Variants in NTM observed in about 807,000 individuals in gnomAD.
NTM encodes neurotrimin.
NTM carries 13 observed loss-of-function variants against 42.1 expected under a neutral mutation model. That is an observed-to-expected ratio of 0.31 (90% CI 0.20 to 0.49). NTM has a LOEUF of 0.49. NTM is among the 20% of genes least tolerant of loss of function. NTM has a pLI of 0.99. For missense variants in NTM, 373 were observed against 452.8 expected, an observed-to-expected ratio of 0.82 and a Z score of 1.60; for synonymous variants, 187 against 179.2, an observed-to-expected ratio of 1.04 and a Z score of -0.35.
chr11:132,196,208 C>T (rs1417384821), intron 3 of NTM, among the ~76,000 whole-genome samples: 2 of 152,046 alleles, frequency 1.3e-5, no homozygotes, highest in Non-Finnish European at 1.5e-5. Context: ...AGCTCATGAT[C>T]GCTAATTGTT....
intron 1 of NTM, among the ~76,000 whole-genome samples, chr11:131,783,305 C>G (rs947314098): frequency 2.2e-4 from 33 of 152,012 alleles, no homozygotes; most frequent in African/African-American, 8.0e-4. Flanking sequence ...CAAAACATTG[C>G]TGAGGAAATA....
At chr11:132,149,695 C>T (rs373516467) in intron 3 of NTM, among the ~76,000 whole-genome samples, 21 of 152,170 alleles carry the variant, frequency 1.4e-4, no homozygotes, top group East Asian at 3.9e-4. Context: ...GAGGCCAAGG[C>T]GACCACATGG....
intron 1 of NTM, among the ~76,000 whole-genome samples, chr11:131,469,090 T>C (rs1952171239): frequency 6.6e-6 from 1 of 152,222 alleles, no homozygotes; most frequent in Non-Finnish European, 1.5e-5. Flanking sequence ...TGGCTGCTGC[T>C]CTCTGTTGCA....
Position 131,947,348 on chromosome 11 carries a change from A to G in NTM, c.167+35700A>G, listed in dbSNP as rs182681706. ...TATCCTCTGCATTATGTGTGAGATA[A>G]CTTCTGGACCGCTTCAGGAACCCTC... On this transcript the variant is annotated intron_variant, in intron 2 of 8. Transcript: ENST00000683400. Among the ~76,000 whole-genome samples the G allele has an allele frequency of 2.2e-3, 332 of 151,968 alleles. 2 individuals carry two copies. Among genetic ancestry groups the G allele is most frequent in the South Asian group, 5.4e-3 (26 of 4,796 alleles).
In NTM at chr11:131,992,992, T is replaced by C. The variant is rs150045451; in HGVS notation, c.167+81344T>C. ...GTTTGGGAAACATACTCAGTACTTC[T>C]GGGGGTTTACCCACTAAGTATTCTG... On this transcript the variant is annotated intron_variant, in intron 2 of 8. Coordinates refer to ENST00000683400, the MANE Select transcript of NTM (RefSeq NM_001352005.2). Among the ~76,000 whole-genome samples the C allele has an allele frequency of 3.3e-5, 5 of 152,304 alleles. 1 individual carries two copies. Among genetic ancestry groups the C allele is most frequent in the African/African-American group, 1.2e-4 (5 of 41,574 alleles).
intron 1 of NTM, among the ~76,000 whole-genome samples, chr11:131,882,708 G>A (rs938681108): frequency 1.3e-5 from 2 of 152,176 alleles, no homozygotes; most frequent in Non-Finnish European, 2.9e-5. Flanking sequence ...GAGGAATGAT[G>A]TATCTGCTGG....
intron 1 of NTM, among the ~76,000 whole-genome samples, chr11:131,776,696 G>A (rs1351309679): frequency 1.3e-5 from 2 of 152,134 alleles, no homozygotes; most frequent in South Asian, 2.1e-4. Context: ...CAAAACAAAT[G>A]TTTATTTTTC....
chr11:132,326,243 G>A (rs887415994), intron 7 of NTM, among the ~76,000 whole-genome samples: 4 of 152,162 alleles, frequency 2.6e-5, no homozygotes, highest in Non-Finnish European at 4.4e-5. Context: ...GCATGGACAT[G>A]CATTGCTATG....
intron 1 of NTM, among the ~76,000 whole-genome samples, chr11:131,462,717 A>G (rs1951504967): frequency 6.6e-6 from 1 of 152,084 alleles, no homozygotes; most frequent in African/African-American, 2.4e-5. Context: ...TCTTCCTAGC[A>G]TTGTACAGCA....
chr11:131,658,577 G>T (rs1029225393), intron 1 of NTM, among the ~76,000 whole-genome samples: 4 of 152,196 alleles, frequency 2.6e-5, no homozygotes, highest in African/African-American at 9.7e-5. Context: ...CTGATTCAGC[G>T]ACCTCTCTTT....
intron 2 of NTM, among the ~76,000 whole-genome samples, chr11:132,078,467 G>T (rs1034067449): frequency 4.6e-5 from 7 of 152,184 alleles, no homozygotes; most frequent in African/African-American, 1.7e-4. Context: ...TTCAGAAAAT[G>T]AACTGCTTCT....
chr11:131,851,782 A>G (rs1344166300), intron 1 of NTM, among the ~76,000 whole-genome samples: 1 of 152,184 alleles, frequency 6.6e-6, no homozygotes, highest in Non-Finnish European at 1.5e-5. Context: ...TAACTGCCAA[A>G]TGATGGACCA....
intron 1 of NTM, among the ~76,000 whole-genome samples, chr11:131,707,240 C>T (rs2076681973): frequency 6.6e-6 from 1 of 152,158 alleles, no homozygotes; most frequent in Non-Finnish European, 1.5e-5. Context: ...GCAGTAAGAT[C>T]ATGCAGTATT....
At chr11:131,839,252 A>G (rs1489149455) in intron 1 of NTM, among the ~76,000 whole-genome samples, 1 of 152,208 alleles carries the variant, frequency 6.6e-6, no homozygotes, top group East Asian at 1.9e-4. Context: ...GTGAGCCACC[A>G]TGCCTGGCCT....
At chr11:132,027,954 T>C (rs1240782095) in intron 2 of NTM, among the ~76,000 whole-genome samples, 1 of 152,186 alleles carries the variant, frequency 6.6e-6, no homozygotes, top group Admixed American at 6.5e-5. Flanking sequence ...GAAGATTCTA[T>C]TGATATTCTT....
At chr11:131,515,711 C>T (rs982697119) in intron 1 of NTM, among the ~76,000 whole-genome samples, 1 of 152,200 alleles carries the variant, frequency 6.6e-6, no homozygotes, top group Non-Finnish European at 1.5e-5. Context: ...AGAGTTATGA[C>T]CCTAGGATCG....
intron 7 of NTM, among the ~76,000 whole-genome samples, chr11:132,315,224 G>C (rs1339338037): frequency 6.6e-6 from 1 of 152,154 alleles, no homozygotes; most frequent in South Asian, 2.1e-4. Flanking sequence ...TTCCAAAACT[G>C]TCTCCAGTCG....
At chr11:132,206,726 TC>T (rs2082043545) in intron 3 of NTM, among the ~76,000 whole-genome samples, 1 of 152,176 alleles carries the variant, frequency 6.6e-6, no homozygotes, top group Admixed American at 6.5e-5. Context: ...TGCAATTCTG[TC>T]CCATTTGAAA....
intron 1 of NTM, among the ~76,000 whole-genome samples, chr11:131,721,996 CAAAA>C (rs71475771): frequency 5.8e-4 from 6 of 10,286 alleles, no homozygotes; most frequent in Non-Finnish European, 1.3e-3. Context: ...AACTCTGTCT[CAAAA>C]AAAAAAAAAA....
Sources: allele counts gnomAD v4.1 joint callset (sites outside exome capture counted in the v4.1 genomes callset), GRCh38; gene constraint gnomAD v4.1.1; transcripts MANE v1.5; gene names NCBI Gene and HGNC (gene_info 2026-07-23, HGNC 2026-07-21).